TTC9: variants seen among roughly 807,000 people sequenced by gnomAD.
The protein encoded by TTC9 is tetratricopeptide repeat domain 9.
TTC9 carries 13 observed loss-of-function variants against 22.9 expected under a neutral mutation model. The observed-to-expected ratio is 0.57, with a 90% CI of 0.37 to 0.90. TTC9 has a LOEUF of 0.90. Ranked by LOEUF, TTC9 falls within the 40% of genes least tolerant of loss-of-function variation. The pLI is 0.01. For synonymous variants in TTC9, 148 were observed against 133.2 expected, an observed-to-expected ratio of 1.11 and a Z score of -0.77; for missense variants, 280 against 291.8, an observed-to-expected ratio of 0.96 and a Z score of 0.29.
chr14:70,647,353 G>A (rs1297312046), intron 1 of TTC9, among the ~76,000 whole-genome samples: 1 of 152,138 alleles, frequency 6.6e-6, no homozygotes, highest in African/African-American at 2.4e-5. Flanking sequence ...GCTTTCAGAT[G>A]AGCCAGGAAA....
chr14:70,660,775 A>G (rs930259090), intron 1 of TTC9, among the ~76,000 whole-genome samples: 6 of 152,354 alleles, frequency 3.9e-5, no homozygotes, highest in Admixed American at 3.3e-4. Context: ...CAGTCATTCA[A>G]TATTCTTAAT....
chr14:70,646,646 G>T (rs935423614), intron 1 of TTC9, among the ~76,000 whole-genome samples: 1 of 152,208 alleles, frequency 6.6e-6, no homozygotes, highest in Non-Finnish European at 1.5e-5. Flanking sequence ...GGGATACCTT[G>T]TGACCTTGGA....
At chr14:70,650,364 G>C (rs1269574194) in intron 1 of TTC9, among the ~76,000 whole-genome samples, 3 of 152,010 alleles carry the variant, frequency 2.0e-5, no homozygotes, top group Non-Finnish European at 4.4e-5. Context: ...CGGAGGTTGC[G>C]GTGAGCCGAG....
At position 70,667,633 on chromosome 14, in the gene TTC9, A is replaced by T. The variant is rs1886233595; in HGVS notation, c.476A>T (p.Lys159Met). The change falls in exon 2 of 3, where the codon AAG (lysine) becomes ATG (methionine). Residue 159 changes from lysine to methionine, a missense_variant. Lys to Met is a moderately conservative substitution (Grantham distance 95). Transcript: ENST00000256367. The stretch of plus-strand genomic sequence containing the variant: ...GAATATTGCCTCAAAGTCTTGAAGA[A>T]GGAAGGGGAGAACTTCAAGGCCCTT... ...VKEYCLKVLK[K>M]EGENFKALYR... 1 of 1,613,914 alleles carries T rather than the reference A, an allele frequency of 6.2e-7. No homozygotes were observed. The highest frequency in any genetic ancestry group is 1.7e-5 in the Admixed American group (1 of 60,002).
Position 70,671,210 on chromosome 14 carries a change from C to A in TTC9, c.*55C>A, listed in dbSNP as rs957313550. On this transcript the variant is annotated 3_prime_UTR_variant, in exon 3 of 3. Coordinates refer to ENST00000256367, the MANE Select transcript of TTC9 (RefSeq NM_015351.2). ...GCCTGACCGGGGACTTCCAGGCATC[C>A]CCTGGCAGAGAGCCCCGTCCTGGAT... 13 of 1,488,864 alleles carry A rather than the reference C, an allele frequency of 8.7e-6. No individual in the cohort carries two copies. The East Asian group carries it at 2.5e-4, about 29-fold the overall frequency. 92.2% of individuals were successfully genotyped at this position (1,488,864 alleles called of 1,614,324 possible).
chr14:70,646,263 C>T (rs1885899841), intron 1 of TTC9, among the ~76,000 whole-genome samples: 1 of 152,074 alleles, frequency 6.6e-6, no homozygotes, highest in Admixed American at 6.5e-5. Context: ...TTTGAATGAT[C>T]CTGATACAAT....
chr14:70,646,914 G>T (rs1223834724), intron 1 of TTC9, among the ~76,000 whole-genome samples: 1 of 152,170 alleles, frequency 6.6e-6, no homozygotes, highest in African/African-American at 2.4e-5. Context: ...CACATAATTT[G>T]CAGGGCCCAG....
chr14:70,659,132 G>GCACACACACA (rs71105721), intron 1 of TTC9, among the ~76,000 whole-genome samples: 42 of 144,328 alleles, frequency 2.9e-4, no homozygotes, highest in East Asian at 1.2e-3. Context: ...ACACACACAC[G>GCACACACACA]CACACACACA....
intron 1 of TTC9, among the ~76,000 whole-genome samples, chr14:70,657,780 A>G (rs1447298305): frequency 6.6e-6 from 1 of 152,188 alleles, no homozygotes; most frequent in Non-Finnish European, 1.5e-5. Flanking sequence ...AGCCTGGGTA[A>G]CATGGTGAAA....
At chr14:70,647,318 A>G (rs989479631) in intron 1 of TTC9, among the ~76,000 whole-genome samples, 14 of 152,230 alleles carry the variant, frequency 9.2e-5, no homozygotes, top group Non-Finnish European at 1.6e-4. Context: ...TTATATGCAT[A>G]CTTCATATGT....
intron 1 of TTC9, among the ~76,000 whole-genome samples, chr14:70,642,887 C>T (rs936579473): frequency 1.3e-5 from 2 of 152,196 alleles, no homozygotes; most frequent in Non-Finnish European, 2.9e-5. Context: ...ACCGCTAGCC[C>T]AGCTTTTTCC....
intron 1 of TTC9, among the ~76,000 whole-genome samples, chr14:70,648,417 A>G (rs1298898156): frequency 6.6e-6 from 1 of 152,246 alleles, no homozygotes; most frequent in Non-Finnish European, 1.5e-5. Flanking sequence ...CAAGGGAAAT[A>G]AGTCAGGTGG....
In TTC9 at chr14:70,672,060, C is replaced by G. The variant is rs1287632450; in HGVS notation, c.*905C>G. On this transcript the variant is annotated 3_prime_UTR_variant, in exon 3 of 3. Transcript: ENST00000256367. The stretch of plus-strand genomic sequence containing the variant: ...TGTCAGTTCTGTTGGAAGCAGCCCA[C>G]TCCCTCACTTTTACTCCTTCCTCCA... 6.6e-6 allele frequency: 1 copy of G among 152,310 alleles called. No individual in the cohort carries two copies. Among genetic ancestry groups the G allele is most frequent in the East Asian group, 1.9e-4 (1 of 5,200 alleles). The allele number at this position is 152,310 out of a possible 1,614,324, so 9.4% of individuals were successfully genotyped here.
chr14:70,668,715 G>T (rs1278275301), intron 2 of TTC9, among the ~76,000 whole-genome samples: 1 of 151,976 alleles, frequency 6.6e-6, no homozygotes, highest in African/African-American at 2.4e-5. Flanking sequence ...GCTGGGTGTG[G>T]TGGTGGACAC....
In TTC9 at chr14:70,642,254, G is replaced by A. The variant is rs1202605312; in HGVS notation, c.125G>A (p.Gly42Asp). Residue 42 changes from glycine to aspartate, a missense_variant, in exon 1 of 3, where the codon GGC becomes GAC. Transcript: ENST00000256367. ...PGGGGGAPAR[G>D]QVGAAAEPAE... ...GGCGGCGGAGGAGCCCCAGCGAGGG[G>A]CCAGGTCGGGGCGGCGGCCGAGCCG... 2.0e-6 allele frequency: 3 copies of A among 1,470,540 alleles called. No individual in the cohort carries two copies. The highest frequency in any genetic ancestry group is 2.7e-6 in the Non-Finnish European group (3 of 1,111,876). 91.1% of individuals were successfully genotyped at this position (1,470,540 alleles called of 1,614,324 possible).
intron 1 of TTC9, among the ~76,000 whole-genome samples, chr14:70,654,175 G>A (rs1886025405): frequency 6.6e-6 from 1 of 152,038 alleles, no homozygotes; most frequent in Admixed American, 6.5e-5. Flanking sequence ...CCATGAAGAG[G>A]CAGTGCTTTC....
intron 1 of TTC9, among the ~76,000 whole-genome samples, chr14:70,665,243 G>A (rs1269791606): frequency 1.3e-5 from 2 of 152,214 alleles, no homozygotes; most frequent in Non-Finnish European, 2.9e-5. Context: ...AGGGAGCGTG[G>A]AAGCTGTGGA....
intron 1 of TTC9, among the ~76,000 whole-genome samples, chr14:70,661,950 G>C: frequency 6.6e-6 from 1 of 152,102 alleles, no homozygotes; most frequent in Non-Finnish European, 1.5e-5. Context: ...AAGTTCACTG[G>C]CCACCTCTGC....
At chr14:70,655,688 A>G (rs1360140136) in intron 1 of TTC9, among the ~76,000 whole-genome samples, 1 of 152,014 alleles carries the variant, frequency 6.6e-6, no homozygotes, top group Admixed American at 6.6e-5. Flanking sequence ...TTGCATGACA[A>G]CCAAGGGGCC....
Sources: allele counts gnomAD v4.1 joint callset (sites outside exome capture counted in the v4.1 genomes callset), GRCh38; gene constraint gnomAD v4.1.1; transcripts MANE v1.5; gene names NCBI Gene and HGNC (gene_info 2026-07-23, HGNC 2026-07-21).